Variants in TRHDE observed in about 807,000 individuals in gnomAD.
The protein encoded by TRHDE is thyrotropin-releasing hormone-degrading ectoenzyme.
A neutral mutation model predicts 125.7 loss-of-function variants in TRHDE; 72 were observed. The ratio of observed to expected loss-of-function variants is 0.57; its 90% CI spans 0.47 to 0.70. The LOEUF (loss-of-function observed/expected upper bound fraction) is 0.70, where lower values mean the gene tolerates loss of function less well. Ranked by LOEUF, TRHDE falls within the 30% of genes least tolerant of loss-of-function variation. The pLI is 0.00. For missense variants in TRHDE, 1,110 were observed against 1,327.1 expected (o/e 0.84, Z 2.54); for synonymous variants, 509 against 509.1 (o/e 1.00, Z 0.00).
At chr12:72,281,914 T>C (rs1294494190) in intron 1 of TRHDE, among the ~76,000 whole-genome samples, 1 of 152,226 alleles carries the variant, frequency 6.6e-6, no homozygotes, top group African/African-American at 2.4e-5. Flanking sequence ...AGAGGCAACA[T>C]GGAGCTTTAA....
intron 3 of TRHDE, among the ~76,000 whole-genome samples, chr12:72,447,219 A>G (rs1157799978): frequency 2.6e-5 from 4 of 152,152 alleles, no homozygotes; most frequent in African/African-American, 9.7e-5. Flanking sequence ...AACTCACTCA[A>G]AACTGCTCAA....
At chr12:72,517,228 C>T (rs1374485965) in intron 6 of TRHDE, among the ~76,000 whole-genome samples, 1 of 151,266 alleles carries the variant, frequency 6.6e-6, no homozygotes, top group Non-Finnish European at 1.5e-5. Flanking sequence ...GGTACCAGTT[C>T]CTCCTTGTAC....
chr12:72,524,715 A>G (rs970761076), intron 6 of TRHDE, among the ~76,000 whole-genome samples: 18 of 152,104 alleles, frequency 1.2e-4, no homozygotes, highest in African/African-American at 4.1e-4. Context: ...AGATTTCCTC[A>G]TATGGATGCT....
chr12:72,478,934 A>AC (rs984935585), intron 5 of TRHDE, among the ~76,000 whole-genome samples: 6 of 151,224 alleles, frequency 4.0e-5, no homozygotes, highest in Middle Eastern at 3.4e-3. Context: ...AAAAAAAAAA[A>AC]AAAAAAACAA....
At chr12:72,329,940 G>A (rs11612036) in intron 2 of TRHDE, among the ~76,000 whole-genome samples, 38,087 of 152,020 alleles carry the variant, frequency 0.25, 4,913 homozygotes, top group East Asian at 0.35. Flanking sequence ...GGGAATCAGA[G>A]AGATGAGGGA....
intron 3 of TRHDE, among the ~76,000 whole-genome samples, chr12:72,454,783 A>C (rs938453709): frequency 6.6e-6 from 1 of 152,196 alleles, no homozygotes; most frequent in Non-Finnish European, 1.5e-5. Flanking sequence ...AGCTCTAACA[A>C]ATCCTCAGAT....
intron 5 of TRHDE, among the ~76,000 whole-genome samples, chr12:72,487,075 T>C (rs1877447015): frequency 2.0e-5 from 3 of 152,048 alleles, no homozygotes; most frequent in African/African-American, 4.8e-5. Context: ...ATCTTGAAGA[T>C]AGGTCTTTTG....
chr12:72,477,513 A>G (rs1305514913), intron 5 of TRHDE, among the ~76,000 whole-genome samples: 4 of 152,214 alleles, frequency 2.6e-5, no homozygotes, highest in East Asian at 1.9e-4. Context: ...GATTCATAGC[A>G]TGAATAGTCT....
At position 72,273,795 on chromosome 12, in the gene TRHDE, C is replaced by G. The variant is rs546845742; in HGVS notation, c.914+238C>G. On this transcript the variant is annotated intron_variant, in intron 1 of 18. Coordinates refer to ENST00000261180, the MANE Select transcript of TRHDE (RefSeq NM_013381.3). This position sits in a 1 kb window ranked among gnomAD's most constrained non-coding sequence, Gnocchi z 5.3. ...CGGTGCCAAAAGATGAATGCTGCCC[C>G]CTCCTCTAGTCGGGACCTCTCCTCT... is the stretch of plus-strand genomic sequence containing the variant. 3 of 517,700 alleles carry G rather than the reference C, an allele frequency of 5.8e-6. No individual in the cohort carries two copies. The highest frequency in any genetic ancestry group is 3.8e-5 in the African/African-American group (2 of 53,010). 32.1% of individuals were successfully genotyped at this position (517,700 alleles called of 1,614,324 possible).
At chr12:72,215,409 A>G (rs1877867164) in intron 2 of TRHDE, among the ~76,000 whole-genome samples, 1 of 152,166 alleles carries the variant, frequency 6.6e-6, no homozygotes, top group African/African-American at 2.4e-5. Flanking sequence ...GTATATGTGC[A>G]GGTCACAGGG....
At chr12:72,537,330 A>C (rs1191374765) in intron 6 of TRHDE, among the ~76,000 whole-genome samples, 1 of 151,942 alleles carries the variant, frequency 6.6e-6, no homozygotes, top group East Asian at 1.9e-4. Context: ...GGGACCTGTA[A>C]TCCCCACATG....
rs189880677 is a variant in TRHDE, at chr12:72,367,014, T to C, written c.1189-10981T>C. Among the ~76,000 whole-genome samples, 17 of 152,154 alleles carry C rather than the reference T, an allele frequency of 1.1e-4. No individual in the cohort carries two copies. In the East Asian group the frequency reaches 1.6e-3, roughly 14 times the overall value. ...TTGAGATGTCTTTCTGCAATGTGTTTTTGTTAGACTGATAGGTTTTGAGGT... is the reference window on the plus strand; with the variant it reads ...TTGAGATGTCTTTCTGCAATGTGTTCTTGTTAGACTGATAGGTTTTGAGGT... On this transcript the variant is annotated intron_variant, in intron 2 of 18. Coordinates refer to ENST00000261180, the MANE Select transcript of TRHDE (RefSeq NM_013381.3).
intron 1 of TRHDE, among the ~76,000 whole-genome samples, chr12:72,281,113 A>G (rs1362986565): frequency 6.6e-6 from 1 of 152,168 alleles, no homozygotes; most frequent in African/African-American, 2.4e-5. Flanking sequence ...ACGATTATTC[A>G]CATATGCACC....
chr12:72,604,601 T>A (rs1872352930), intron 12 of TRHDE, among the ~76,000 whole-genome samples: 1 of 152,074 alleles, frequency 6.6e-6, no homozygotes, highest in Admixed American at 6.6e-5. Context: ...CTATATGTGA[T>A]CATTTTAACA....
chr12:72,292,949 G>A (rs994806082), intron 2 of TRHDE, among the ~76,000 whole-genome samples: 1 of 152,150 alleles, frequency 6.6e-6, no homozygotes, highest in Admixed American at 6.5e-5. Flanking sequence ...TACAGAGCAG[G>A]GAACAACTTA....
intron 2 of TRHDE, among the ~76,000 whole-genome samples, chr12:72,266,537 TTATTCTC>T (rs1405300362): frequency 2.6e-5 from 4 of 151,276 alleles, no homozygotes; most frequent in Admixed American, 6.6e-5. Context: ...TCATACTAGA[TTATTCTC>T]TATTCATTTA....
Position 72,493,500 on chromosome 12 carries a change from T to C in TRHDE, c.1585-5998T>C, listed in dbSNP as rs563311217. Among the ~76,000 whole-genome samples, 10 of 152,060 alleles carry C rather than the reference T, an allele frequency of 6.6e-5. No individual in the cohort carries two copies. In the South Asian group the frequency reaches 2.1e-3, roughly 32 times the overall value. On this transcript the variant is annotated intron_variant, in intron 5 of 18. Transcript: ENST00000261180. ...GTGCCATTTGTGCACAATTATGCAA[T>C]GTTGTCCTGTTTCTCTGTTTCCAGT... is the stretch of plus-strand genomic sequence containing the variant.
chr12:72,160,603 C>T (rs768672267), intron 2 of TRHDE, among the ~76,000 whole-genome samples: 6 of 152,028 alleles, frequency 3.9e-5, no homozygotes, highest in Non-Finnish European at 7.4e-5. Flanking sequence ...GCAGGAAAAT[C>T]GCTTGAACCT....
chr12:72,163,387 T>C (rs1876676285), intron 2 of TRHDE, among the ~76,000 whole-genome samples: 1 of 152,224 alleles, frequency 6.6e-6, no homozygotes, highest in African/African-American at 2.4e-5. Flanking sequence ...TTACTAACTT[T>C]ATTGTTACCA....
Sources: allele counts gnomAD v4.1 joint callset (sites outside exome capture counted in the v4.1 genomes callset), GRCh38; gene constraint gnomAD v4.1.1; non-coding constraint Gnocchi (gnomAD v3.1); transcripts MANE v1.5; gene names NCBI Gene and HGNC (gene_info 2026-07-23, HGNC 2026-07-21).